RAPGEF6: variants seen among roughly 807,000 people sequenced by gnomAD.
The protein encoded by RAPGEF6 is PDZ domain containing guanine nucleotide exchange factor (GEF) 2.
RAPGEF6 carries 56 observed loss-of-function variants against 171.4 expected under a neutral mutation model. The ratio of observed to expected loss-of-function variants is 0.33; its 90% CI spans 0.26 to 0.41. The LOEUF (loss-of-function observed/expected upper bound fraction) is 0.41. Ranked by LOEUF, RAPGEF6 falls within the 10% of genes least tolerant of loss-of-function variation. The probability of loss-of-function intolerance (pLI) is 1.00; values close to 1 mark genes in which losing one functional copy is unlikely to be tolerated. For synonymous variants in RAPGEF6, 692 were observed against 650.1 expected (o/e 1.06, Z -0.98); for missense variants, 1,674 against 1,921.4 (o/e 0.87, Z 2.41).
chr5:131,596,141 G>A (rs1221493694), intron 3 of RAPGEF6, among the ~76,000 whole-genome samples: 8 of 140,526 alleles, frequency 5.7e-5, no homozygotes, highest in South Asian at 2.3e-4. Flanking sequence ...GGAGCAGTGC[G>A]AGACTCCATC....
intron 4 of RAPGEF6, among the ~76,000 whole-genome samples, chr5:131,570,685 A>C (rs966182333): frequency 1.3e-5 from 2 of 152,188 alleles, no homozygotes; most frequent in Non-Finnish European, 2.9e-5. Context: ...AAAAAACTAG[A>C]TTAAAAAACT....
chr5:131,609,535 T>C (rs545307386), intron 1 of RAPGEF6, among the ~76,000 whole-genome samples: 3 of 152,256 alleles, frequency 2.0e-5, no homozygotes, highest in South Asian at 2.1e-4. Context: ...GCACAATTAA[T>C]AGATGATTAG....
At chr5:131,585,939 C>T (rs766606920) in intron 4 of RAPGEF6, among the ~76,000 whole-genome samples, 8 of 152,224 alleles carry the variant, frequency 5.3e-5, no homozygotes, top group Non-Finnish European at 1.2e-4. Context: ...GCTGATCTTA[C>T]ATATGTTGAT....
intron 1 of RAPGEF6, among the ~76,000 whole-genome samples, chr5:131,614,113 C>T (rs1765115970): frequency 6.6e-6 from 1 of 151,904 alleles, no homozygotes; most frequent in Non-Finnish European, 1.5e-5. Flanking sequence ...GAAACCCCAT[C>T]TCTACTAAAA....
chr5:131,533,169 T>TACACACACATACAC (rs1759514149), intron 6 of RAPGEF6: 1 of 136,860 alleles, frequency 7.3e-6, no homozygotes, highest in Non-Finnish European at 1.6e-5. Context: ...ATTGAAAACA[T>TACACACACATACAC]ACACACACAC....
chr5:131,495,505 AGGGG>A, intron 13 of RAPGEF6, 44 bp downstream of exon 13: 1 of 1,444,522 alleles, frequency 6.9e-7, no homozygotes, highest in Non-Finnish European at 9.7e-7. Context: ...GCTAGTGTTG[AGGGG>A]GGACCACTAC....
At chr5:131,592,545 T>C in intron 3 of RAPGEF6, 79 bp from the exon 4 acceptor site, 1 of 1,519,120 alleles carries the variant, frequency 6.6e-7, no homozygotes, top group Admixed American at 2.2e-5. Flanking sequence ...AGAAATATAT[T>C]CTGATAATAG....
chr5:131,580,403 G>A (rs558239125), intron 4 of RAPGEF6, among the ~76,000 whole-genome samples: 2 of 152,130 alleles, frequency 1.3e-5, no homozygotes, highest in Admixed American at 6.5e-5. Context: ...CCCTGTTCCT[G>A]CCCACCCCTC....
In RAPGEF6 at chr5:131,495,670, CAT is replaced by C. The variant is rs770147563; in HGVS notation, c.1420-12_1420-11del. On this transcript the variant is annotated splice_polypyrimidine_tract_variant and intron_variant, in intron 12 of 27. Transcript: ENST00000509018. ...ATACAATCCGTGTCACCTGTGGAAA[CAT>C]AAAAGAGGCAGCATATGGTTATAAG... 1.2e-6 allele frequency: 2 copies of C among 1,608,764 alleles called. No homozygotes were observed. Among genetic ancestry groups the C allele is most frequent in the South Asian group, 2.2e-5 (2 of 90,318 alleles).
intron 7 of RAPGEF6, among the ~76,000 whole-genome samples, chr5:131,515,152 C>G (rs911938336): frequency 2.8e-4 from 42 of 152,268 alleles, no homozygotes; most frequent in African/African-American, 9.4e-4. Flanking sequence ...AAGAGTTATA[C>G]AAACTTACAA....
rs765996176 is a variant in RAPGEF6, at chr5:131,462,075, T to G, written c.2494A>C (p.Asn832His). ...IQLNGRYYLK[N>H]NMETETLCSD... The stretch of plus-strand genomic sequence containing the variant: ...CATAAGGTTTCTGTTTCCATGTTAT[T>G]TTTTAAGTAATACCTAAATGGAAAA... The change falls in exon 19 of 28, where the codon AAT becomes CAT. Residue 832 changes from asparagine (N) to histidine (H), a missense_variant. By Grantham distance (68) the Asn-to-His change is moderately conservative. This residue lies in a region of RAPGEF6 where 1,116 missense variants were observed against 1,321.5 expected (regional missense o/e 0.84). Coordinates refer to ENST00000509018, the MANE Select transcript of RAPGEF6 (RefSeq NM_016340.6). 1 of 1,540,514 alleles carries G rather than the reference T, an allele frequency of 6.5e-7. No individual in the cohort carries two copies. The highest frequency in any genetic ancestry group is 8.7e-7 in the Non-Finnish European group (1 of 1,143,484).
Position 131,433,674 on chromosome 5 carries a change from G to A in RAPGEF6, c.3746-16C>T, listed in dbSNP as rs754357361. On this transcript the variant is annotated splice_polypyrimidine_tract_variant and intron_variant, in intron 24 of 27. Coordinates refer to ENST00000509018, the MANE Select transcript of RAPGEF6 (RefSeq NM_016340.6). ...AGTGTGTAACCTGAACAAGAAAAGA[G>A]CACTGATCAAACTACAAAAAAAGGG... The A allele has an allele frequency of 2.6e-6, 4 of 1,560,094 alleles. No individual in the cohort carries two copies. In the South Asian group the frequency reaches 3.3e-5, roughly 13 times the overall value.
In RAPGEF6 at chr5:131,634,871, T is replaced by C. The variant is rs570471905; in HGVS notation, c.69+91A>G. On this transcript the variant is annotated intron_variant, in intron 1 of 27. Coordinates refer to ENST00000509018, the MANE Select transcript of RAPGEF6 (RefSeq NM_016340.6). ...ATTCCCAGTAGCAGGTGCGAGACTC[T>C]GGCAAGAGGGCAGTCGCCGCGGATT... 1.2e-5 allele frequency: 17 copies of C among 1,431,476 alleles called. No homozygotes were observed. The East Asian group carries it at 3.5e-4, about 29-fold the overall frequency. The allele number at this position is 1,431,476 out of a possible 1,614,324, so 88.7% of individuals were successfully genotyped here.
rs566244125 is a variant in RAPGEF6 at position 131,520,309 on chromosome 5, T to C, written c.627+1081A>G. Among the ~76,000 whole-genome samples the C allele has an allele frequency of 2.2e-4, 34 of 152,328 alleles. No homozygotes were observed. The East Asian group carries it at 6.0e-3, about 27-fold the overall frequency. The stretch of plus-strand genomic sequence containing the variant: ...AAAACATGGCTAGTCCAAATTGAGA[T>C]GTGCTGTAACTTTAAATTAAACTCT... On this transcript the variant is annotated intron_variant, in intron 7 of 27. Transcript: ENST00000509018.
chr5:131,615,456 A>C (rs1317161459), intron 1 of RAPGEF6, among the ~76,000 whole-genome samples: 1 of 152,202 alleles, frequency 6.6e-6, no homozygotes, highest in Non-Finnish European at 1.5e-5. Context: ...TATTAGGCAT[A>C]AAGTCACAAA....
At chr5:131,577,331 C>G (rs974334810) in intron 4 of RAPGEF6, among the ~76,000 whole-genome samples, 4 of 152,210 alleles carry the variant, frequency 2.6e-5, no homozygotes, top group African/African-American at 9.6e-5. Context: ...TCACCAAACT[C>G]AGCCTCCAAA....
intron 4 of RAPGEF6, among the ~76,000 whole-genome samples, chr5:131,568,723 G>C (rs991632932): frequency 6.6e-6 from 1 of 152,076 alleles, no homozygotes; most frequent in African/African-American, 2.4e-5. Context: ...CTCCATACTG[G>C]AGACTCTCAC....
At chr5:131,478,202 T>G (rs1755238169) in intron 16 of RAPGEF6, among the ~76,000 whole-genome samples, 1 of 152,190 alleles carries the variant, frequency 6.6e-6, no homozygotes, top group South Asian at 2.1e-4. Context: ...AAATAAGAAC[T>G]CAGGAAGATG....
intron 19 of RAPGEF6, among the ~76,000 whole-genome samples, chr5:131,456,791 G>T (rs751535954): frequency 2.0e-5 from 3 of 152,180 alleles, no homozygotes; most frequent in African/African-American, 7.2e-5. Context: ...AAGGCATGGA[G>T]TTAGGTATCT....
Sources: allele counts gnomAD v4.1 joint callset (sites outside exome capture counted in the v4.1 genomes callset), GRCh38; gene constraint gnomAD v4.1.1; regional missense constraint gnomAD v4.1.1; transcripts MANE v1.5; gene names NCBI Gene and HGNC (gene_info 2026-07-23, HGNC 2026-07-21).